NFIB: variants seen among roughly 807,000 people sequenced by gnomAD.
The protein encoded by NFIB is nuclear factor I B.
In NFIB, 11 loss-of-function variants were observed where a neutral mutation model predicts 61.5. The observed-to-expected ratio is 0.18, with a 90% CI of 0.11 to 0.30. The LOEUF is 0.30. NFIB is among the 10% of genes least tolerant of loss of function. The pLI is 1.00. For synonymous variants in NFIB, 260 were observed against 216.5 expected, an observed-to-expected ratio of 1.20 and a Z score of -1.76; for missense variants, 471 against 608.9, an observed-to-expected ratio of 0.77 and a Z score of 2.38.
the NFIB span, among the ~76,000 whole-genome samples, chr9:14,470,330 T>C: frequency 1.3e-5 from 2 of 152,186 alleles, no homozygotes; most frequent in African/African-American, 2.4e-5. Context: ...TTCCTGTTCT[T>C]ATACAACTCT....
At chr9:14,090,850 T>C (rs1220181080) in intron 10 of NFIB, among the ~76,000 whole-genome samples, 5 of 152,036 alleles carry the variant, frequency 3.3e-5, no homozygotes, top group African/African-American at 1.2e-4. Context: ...GCTCCTTACA[T>C]GGACAAGTCT....
chr9:14,525,233 A>C, the NFIB span, among the ~76,000 whole-genome samples: 2 of 152,214 alleles, frequency 1.3e-5, no homozygotes, highest in Admixed American at 1.3e-4. Flanking sequence ...GGGCAGACTG[A>C]TGTAAAGCAG....
chr9:14,407,246 ACTTTC>A, the NFIB span, among the ~76,000 whole-genome samples: 5 of 152,252 alleles, frequency 3.3e-5, no homozygotes, highest in Non-Finnish European at 5.9e-5. Flanking sequence ...CAAATATTAA[ACTTTC>A]CTTTGCTTTA....
rs114058072 is a variant in NFIB, at chr9:14,324,584, C to T, written c.109-17064G>A. ...TTTGTTTAGGAAATATTTTGAGACA[C>T]AAAATAGGAAAAGGAATAGGGAAAG... On this transcript the variant is annotated intron_variant, in intron 1 of 8. Coordinates refer to the NFIB transcript ENST00000380934. Among the ~76,000 whole-genome samples, 681 of 152,034 alleles carry T rather than the reference C, an allele frequency of 4.5e-3. 7 individuals are homozygous for T. The highest frequency in any genetic ancestry group is 0.015 in the African/African-American group (640 of 41,462).
intron 2 of NFIB, among the ~76,000 whole-genome samples, chr9:14,280,019 G>A (rs2058264787): frequency 6.6e-6 from 1 of 152,058 alleles, no homozygotes; most frequent in Non-Finnish European, 1.5e-5. Flanking sequence ...ATCCAAGATG[G>A]TACTTCAAAA....
chr9:14,088,923 T>C (rs2033337098), intron 10 of NFIB, among the ~76,000 whole-genome samples: 3 of 152,146 alleles, frequency 2.0e-5, no homozygotes, highest in Admixed American at 2.0e-4. Context: ...TTATCAAACA[T>C]ACCTTAATCA....
the NFIB span, among the ~76,000 whole-genome samples, chr9:14,448,576 T>C: frequency 5.3e-5 from 8 of 152,204 alleles, no homozygotes; most frequent in African/African-American, 1.9e-4. Context: ...CAAAGGATTT[T>C]AATGAATCTT....
At chr9:14,180,952 C>T (rs1170133557) in intron 2 of NFIB, 2 of 152,158 alleles carry the variant, frequency 1.3e-5, no homozygotes, top group Admixed American at 6.5e-5. Flanking sequence ...CATGTACTGC[C>T]ATATACTGAC....
chr9:14,203,813 C>G (rs1032438156), intron 2 of NFIB, among the ~76,000 whole-genome samples: 1 of 152,100 alleles, frequency 6.6e-6, no homozygotes, highest in Non-Finnish European at 1.5e-5. Context: ...GGAATACTAC[C>G]AGATAGAAAA....
At chr9:14,315,894 G>A (rs1265158295), upstream of NFIB, among the ~76,000 whole-genome samples, 1 of 151,708 alleles carries the variant, frequency 6.6e-6, no homozygotes, top group Non-Finnish European at 1.5e-5. Flanking sequence ...GGGCGCTGGG[G>A]CTACCGGGTC....
chr9:14,082,373 C>A lies in NFIB; in HGVS notation c.*5936G>T, dbSNP rs2118321357. ...AAATGTATCTAAAGAAACACACAGT[C>A]CTACAAAAGTTGTTCTCAGAGAAAT... On this transcript the variant is annotated 3_prime_UTR_variant, in exon 11 of 11. Transcript: ENST00000380953. The A allele has an allele frequency of 4.9e-6, 1 of 204,274 alleles. No individual in the cohort carries two copies. Among genetic ancestry groups the A allele is most frequent in the East Asian group, 7.5e-5 (1 of 13,390 alleles). The allele number at this position is 204,274 out of a possible 1,614,324, so 12.7% of individuals were successfully genotyped here.
intron 2 of NFIB, among the ~76,000 whole-genome samples, chr9:14,247,210 G>A (rs2055036024): frequency 6.6e-6 from 1 of 152,176 alleles, no homozygotes; most frequent in Non-Finnish European, 1.5e-5. Flanking sequence ...TTATACCATA[G>A]TCAAGAGAAC....
chr9:14,506,769 T>C, the NFIB span, among the ~76,000 whole-genome samples: 8 of 151,868 alleles, frequency 5.3e-5, no homozygotes, highest in African/African-American at 1.7e-4. Flanking sequence ...TAGCAGAGAG[T>C]GTGGGGAGGT....
At chr9:14,403,292 G>A (rs994836568), upstream of NFIB, among the ~76,000 whole-genome samples, 1 of 152,204 alleles carries the variant, frequency 6.6e-6, no homozygotes, top group Non-Finnish European at 1.5e-5. Flanking sequence ...TTTAAGAGAC[G>A]ATAGGTTTTT....
At chr9:14,305,467 A>G (rs1429113731) in intron 2 of NFIB, among the ~76,000 whole-genome samples, 2 of 152,234 alleles carry the variant, frequency 1.3e-5, no homozygotes, top group Non-Finnish European at 2.9e-5. Flanking sequence ...AATAAGTGTC[A>G]TGTGTTACTG....
intron 1 of NFIB, among the ~76,000 whole-genome samples, chr9:14,375,448 C>G (rs569451644): frequency 3.9e-5 from 6 of 152,092 alleles, no homozygotes; most frequent in Admixed American, 3.3e-4. Context: ...ACAAGGTCAG[C>G]AGTTCGAGAC....
chr9:14,148,976 GT>G (rs2042580838), intron 5 of NFIB, among the ~76,000 whole-genome samples: 1 of 152,126 alleles, frequency 6.6e-6, no homozygotes, highest in South Asian at 2.1e-4. Flanking sequence ...CTAGAGAAAT[GT>G]TTTTTAAACC....
intron 2 of NFIB, among the ~76,000 whole-genome samples, chr9:14,291,605 TTAAA>T (rs981757433): frequency 2.6e-5 from 4 of 152,096 alleles, no homozygotes; most frequent in African/African-American, 7.2e-5. Context: ...GAAACATCTC[TTAAA>T]TAAAAGAGAT....
the NFIB span, among the ~76,000 whole-genome samples, chr9:14,432,189 G>T: frequency 0.031 from 4,663 of 152,308 alleles, 92 homozygotes; most frequent in Middle Eastern, 0.058. Context: ...TTTTTGAGCA[G>T]TAACTAAGGT....
Sources: gnomAD v4.1 joint callset for allele counts (sites outside exome capture counted in the v4.1 genomes callset) on GRCh38, gnomAD v4.1.1 for gene constraint, MANE v1.5 for transcripts, NCBI Gene and HGNC (gene_info 2026-07-23, HGNC 2026-07-21) for gene names.